PCDH15: variants seen among roughly 807,000 people sequenced by gnomAD.
PCDH15 encodes the protein protocadherin-15.
PCDH15 carries 129 observed loss-of-function variants against 178.5 expected under a neutral mutation model. The ratio of observed to expected loss-of-function variants is 0.72; its 90% CI spans 0.63 to 0.84. The LOEUF (loss-of-function observed/expected upper bound fraction) is 0.84. PCDH15 is among the 40% of genes least tolerant of loss of function. PCDH15 has a pLI of 0.00. For synonymous variants in PCDH15, 800 were observed against 732.0 expected (o/e 1.09, Z -1.50); for missense variants, 2,230 against 2,099.9 (o/e 1.06, Z -1.21).
rs184942536 is a variant in PCDH15, at chr10:54,646,514, C to T, written c.91+17658G>A. 2.8e-3 allele frequency among the ~76,000 whole-genome samples: 432 copies of T among 152,128 alleles called. 1 individual carries two copies. Among genetic ancestry groups the T allele is most frequent in the Non-Finnish European group, 3.3e-3 (224 of 67,972 alleles). ...ATTTTATCACAACTTCCATCATTTT[C>T]CTAAAGTTCCAGGGGGCGGGGCCCA... On this transcript the variant is annotated intron_variant, in intron 2 of 37. Transcript: ENST00000644397.
intron 10 of PCDH15, among the ~76,000 whole-genome samples, chr10:54,213,094 T>C (rs549029637): frequency 2.4e-4 from 36 of 150,348 alleles, no homozygotes; most frequent in Admixed American, 2.3e-3. Context: ...TCGGGATGCA[T>C]TTCTAGAGGT....
chr10:55,305,898 A>G (rs1221685520), intron 1 of PCDH15, among the ~76,000 whole-genome samples: 1 of 152,216 alleles, frequency 6.6e-6, no homozygotes, highest in African/African-American at 2.4e-5. Context: ...GAACATGCCC[A>G]ATGACAAAAC....
intron 32 of PCDH15, among the ~76,000 whole-genome samples, chr10:53,825,726 AGTAACTTAATGCTT>A (rs2076633032): frequency 6.6e-6 from 1 of 151,494 alleles, no homozygotes; most frequent in Admixed American, 6.6e-5. Context: ...TTCATTTTCT[AGTAACTTAATGCTT>A]AGAATTCCTG....
chr10:55,053,001 T>C (rs553856509), intron 2 of PCDH15, among the ~76,000 whole-genome samples: 3 of 152,256 alleles, frequency 2.0e-5, no homozygotes, highest in East Asian at 3.9e-4. Flanking sequence ...ATTGTTTAAA[T>C]GTAAGCAACC....
rs1469879222 is a variant in PCDH15, at chr10:54,519,810, C to G, written c.157+8002G>C. ...AGGCATCACGCTACCTGACTTCAAA[C>G]TATGCTGCAAGGCTACAGTAACCAA... On this transcript the variant is annotated intron_variant, in intron 3 of 37. Transcript: ENST00000644397. Among the ~76,000 whole-genome samples the G allele has an allele frequency of 2.0e-5, 3 of 152,146 alleles. No individual in the cohort carries two copies. In the East Asian group the frequency reaches 5.8e-4, roughly 29 times the overall value.
chr10:54,595,921 A>G (rs1834151503), intron 2 of PCDH15, among the ~76,000 whole-genome samples: 1 of 152,186 alleles, frequency 6.6e-6, no homozygotes, highest in South Asian at 2.1e-4. Context: ...ATAAAGAAAA[A>G]AGAATAAAAA....
chr10:53,884,173 C>A (rs2080930774), intron 26 of PCDH15, among the ~76,000 whole-genome samples: 1 of 152,176 alleles, frequency 6.6e-6, no homozygotes, highest in Admixed American at 6.5e-5. Flanking sequence ...TCTGCAGGGG[C>A]TGACACTGAC....
chr10:54,123,134 C>G (rs181505299), intron 15 of PCDH15, among the ~76,000 whole-genome samples: 29 of 152,046 alleles, frequency 1.9e-4, no homozygotes, highest in Admixed American at 1.8e-3. Context: ...ATTAAGTCCT[C>G]GAAAGCAATT....
chr10:54,917,122 G>A (rs963721625), intron 2 of PCDH15, among the ~76,000 whole-genome samples: 10 of 152,276 alleles, frequency 6.6e-5, no homozygotes, highest in Middle Eastern at 3.4e-3. Context: ...TAATATATTA[G>A]TTGGACCATA....
intron 23 of PCDH15, among the ~76,000 whole-genome samples, chr10:53,959,201 T>A (rs540955772): frequency 6.7e-6 from 1 of 149,140 alleles, no homozygotes; most frequent in Non-Finnish European, 1.5e-5. Context: ...ACACACAGTA[T>A]ATATATAAAT....
intron 2 of PCDH15, among the ~76,000 whole-genome samples, chr10:55,160,215 T>A (rs189587451): frequency 2.0e-5 from 3 of 152,042 alleles, no homozygotes. Flanking sequence ...TTTTACTTTT[T>A]TCTTGCTTTA....
chr10:54,196,373 A>G (rs2049655063), intron 10 of PCDH15, among the ~76,000 whole-genome samples: 1 of 151,752 alleles, frequency 6.6e-6, no homozygotes, highest in Non-Finnish European at 1.5e-5. Context: ...CGATCTCCTG[A>G]CCTCGTGATC....
chr10:55,553,412 G>T (rs890133611), intron 2 of PCDH15, among the ~76,000 whole-genome samples: 2 of 151,622 alleles, frequency 1.3e-5, no homozygotes, highest in Non-Finnish European at 3.0e-5. Context: ...ACTCACTAAA[G>T]GCTTTAAAAT....
At chr10:55,093,471 T>A (rs890629178) in intron 2 of PCDH15, among the ~76,000 whole-genome samples, 2 of 152,122 alleles carry the variant, frequency 1.3e-5, no homozygotes, top group African/African-American at 4.8e-5. Context: ...GTGCAGAAGC[T>A]CTTTAGTTGA....
chr10:55,338,461 CTTAAAATCCTTATTA>C (rs1163922434), intron 2 of PCDH15, among the ~76,000 whole-genome samples: 1 of 152,090 alleles, frequency 6.6e-6, no homozygotes, highest in South Asian at 2.1e-4. Context: ...GAATATTATT[CTTAAAATCCTTATTA>C]TTAAAATCCT....
At chr10:54,522,904 A>C (rs2083019230) in intron 3 of PCDH15, among the ~76,000 whole-genome samples, 2 of 152,176 alleles carry the variant, frequency 1.3e-5, no homozygotes, top group Admixed American at 1.3e-4. Flanking sequence ...TGGGAGAATA[A>C]TTTTAATACT....
At chr10:54,994,603 CTAT>C (rs755434196) in intron 2 of PCDH15, among the ~76,000 whole-genome samples, 7 of 152,058 alleles carry the variant, frequency 4.6e-5, no homozygotes, top group Admixed American at 6.5e-5. Context: ...TTGGTTATAA[CTAT>C]TATTATAACT....
intron 2 of PCDH15, among the ~76,000 whole-genome samples, chr10:54,578,875 T>C (rs2090766705): frequency 6.6e-6 from 1 of 152,114 alleles, no homozygotes; most frequent in Non-Finnish European, 1.5e-5. Context: ...CTTAAACTAA[T>C]AATTTCATAT....
intron 15 of PCDH15, among the ~76,000 whole-genome samples, chr10:54,101,414 A>T (rs2136157562): frequency 6.6e-6 from 1 of 152,324 alleles, no homozygotes; most frequent in African/African-American, 2.4e-5. Context: ...CTGGCCATCA[A>T]CACTTTGAGC....
Sources: gnomAD v4.1 joint callset for allele counts (sites outside exome capture counted in the v4.1 genomes callset) on GRCh38, gnomAD v4.1.1 for gene constraint, MANE v1.5 for transcripts, NCBI Gene and HGNC (gene_info 2026-07-23, HGNC 2026-07-21) for gene names.